The following FER1L5 variants were observed in gnomAD, a reference collection of about 807,000 sequenced individuals.
The protein encoded by FER1L5 is fer-1 like family member 5, also known as fer-1-like protein 5.
In FER1L5, 187 loss-of-function variants were observed where a neutral mutation model predicts 279.9. The ratio of observed to expected loss-of-function variants is 0.67; its 90% CI spans 0.59 to 0.75. FER1L5 has a LOEUF of 0.75. Among genes scored for constraint, FER1L5 ranks in the 30% least tolerant of loss-of-function variants. The probability of loss-of-function intolerance (pLI) is 0.00; values close to 1 mark genes in which losing one functional copy is unlikely to be tolerated. For synonymous variants in FER1L5, 921 were observed against 989.7 expected (o/e 0.93, Z 1.30); for missense variants, 2,091 against 2,594.4 (o/e 0.81, Z 4.21).
intron 17 of FER1L5, among the ~76,000 whole-genome samples, chr2:96,669,395 T>C (rs1170172600): frequency 6.6e-6 from 1 of 151,480 alleles, no homozygotes; most frequent in Non-Finnish European, 1.5e-5. Flanking sequence ...TTTCAGCAGG[T>C]GGGAAGGGCG....
In FER1L5 at chr2:96,687,829, A is replaced by G. The variant is rs1447323225; in HGVS notation, c.2243A>G (p.Glu748Gly). ...QTLFLQYPEG[E>G]GQKDVLPAHL... is the part of the protein sequence containing the mutation. ...CCTCTGGCTCAGTACCCAGAGGGTG[A>G]AGGACAGAAGGATGTGCTCCCAGCT... is the stretch of plus-strand genomic sequence containing the variant. Residue 748 changes from glutamate to glycine, a missense_variant, in exon 24 of 53, where the codon GAA becomes GGA. Physicochemically the swap from Glu to Gly is moderately conservative, Grantham distance 98. Transcript: ENST00000624922. The G allele has an allele frequency of 3.2e-6, 5 of 1,551,020 alleles. No homozygotes were observed. Among genetic ancestry groups the G allele is most frequent in the Non-Finnish European group, 4.4e-6 (5 of 1,146,954 alleles).
rs1450423947 is a variant in FER1L5, at chr2:96,702,506, G to A, written c.5256-94G>A. ...ATGGGACACCTCTCCATCCAGCTCT[G>A]CCTGGCGTCGGCTGGGCAGCCCTTC... On this transcript the variant is annotated intron_variant, in intron 47 of 52. Transcript: ENST00000624922. This position sits in a 1 kb window ranked among gnomAD's most constrained non-coding sequence, Gnocchi z 4.0. 6.5e-7 allele frequency: 1 copy of A among 1,548,496 alleles called. No individual in the cohort carries two copies. The highest frequency in any genetic ancestry group is 1.4e-5 in the African/African-American group (1 of 73,056).
rs1558870888 is a variant in FER1L5, at chr2:96,669,053, CGGCTTCCT to C, written c.1280_1287del (p.Gly427AlafsTer14). ...TCTCTCTCCTTCCAGGAGTGTACTC[CGGCTTCCT>C]GCCCTGCTTTGGCCCCAGCTTCCTG... On this transcript the variant is annotated frameshift_variant, in exon 17 of 53. Transcript: ENST00000624922. LOFTEE classifies it high-confidence loss of function. 1.3e-6 allele frequency: 2 copies of C among 1,551,562 alleles called. No homozygotes were observed. Among genetic ancestry groups the C allele is most frequent in the African/African-American group, 2.7e-5 (2 of 73,050 alleles).
chr2:96,695,893 C>T lies in FER1L5; in HGVS notation c.4046C>T (p.Pro1349Leu). ...CDPWAQDYMH[P>L]KLPTLSEKKH... ...CCCTGGGCTCAAGACTATATGCACC[C>T]AAAGCTTCCAAGTACGGCCCTTCCT... The change falls in exon 36 of 53, where the codon CCA becomes CTA. Residue 1349 changes from proline (P) to leucine (L), a missense_variant. Transcript: ENST00000624922. The T allele has an allele frequency of 6.2e-7, 1 of 1,613,536 alleles. No individual in the cohort carries two copies. Among genetic ancestry groups the T allele is most frequent in the Non-Finnish European group, 8.5e-7 (1 of 1,179,796 alleles).
At chr2:96,647,984 C>A in intron 4 of FER1L5, 98 bp downstream of exon 4, 2 of 865,294 alleles carry the variant, frequency 2.3e-6, no homozygotes, top group Non-Finnish European at 3.7e-6. Context: ...GCTTGGGGGG[C>A]CCCATCACAC....
intron 9 of FER1L5, among the ~76,000 whole-genome samples, chr2:96,656,298 C>G (rs2075596536): frequency 6.6e-6 from 1 of 152,196 alleles, no homozygotes; most frequent in South Asian, 2.1e-4. Context: ...AGTCAATGTT[C>G]AAATTCCCCT....
intron 23 of FER1L5, among the ~76,000 whole-genome samples, chr2:96,687,338 C>T (rs1445720208): frequency 2.0e-5 from 3 of 152,242 alleles, no homozygotes; most frequent in Non-Finnish European, 2.9e-5. Context: ...CAGAGTCCTT[C>T]GCATCCCGCA....
chr2:96,699,295 A>G (rs1358869790), intron 42 of FER1L5, among the ~76,000 whole-genome samples, 159 bp downstream of exon 42: 1 of 152,104 alleles, frequency 6.6e-6, no homozygotes, highest in Non-Finnish European at 1.5e-5. Context: ...GAAGACAAAT[A>G]TATGGGTGGG....
intron 1 of FER1L5, among the ~76,000 whole-genome samples, chr2:96,644,119 C>T (rs1409859987): frequency 9.2e-5 from 13 of 141,994 alleles, no homozygotes; most frequent in Admixed American, 3.0e-4. Context: ...TTGCAGTGAG[C>T]GGAGATCGTA....
At position 96,687,768 on chromosome 2, in the gene FER1L5, G is replaced by A. The variant is rs766156874; in HGVS notation, c.2230-48G>A. 2.1e-5 allele frequency: 32 copies of A among 1,545,696 alleles called. No homozygotes were observed. In the East Asian group the frequency reaches 2.5e-4, roughly 12 times the overall value. ...CCACTTGGGGGGTGGCCGGGGTGGCGTTCAGGGTGTTTAGTGCCCCTGTGG... is the reference window on the plus strand; with the variant it reads ...CCACTTGGGGGGTGGCCGGGGTGGCATTCAGGGTGTTTAGTGCCCCTGTGG... On this transcript the variant is annotated intron_variant, in intron 23 of 52. Coordinates refer to ENST00000624922, the MANE Select transcript of FER1L5 (RefSeq NM_001293083.2).
In FER1L5 at chr2:96,670,218, G is replaced by A. The variant is rs2076272741; in HGVS notation, c.1462G>A (p.Asp488Asn). Residue 488 changes from aspartate (D) to asparagine (N), a missense_variant, in exon 18 of 53, where the codon GAT (aspartate) becomes AAT (asparagine). By Grantham distance (23) the Asp-to-Asn change is conservative (BLOSUM62 1). Transcript: ENST00000624922. The part of the protein sequence containing the change: ...IKSYQDSTIK[D>N]LSHEVTRIEK... Reference sequence around the variant, plus strand: ...GTCCTATCAAGACTCCACGATAAAGGATCTCTCCCATGAAGTGACCAGGAT... The same window carrying A: ...GTCCTATCAAGACTCCACGATAAAGAATCTCTCCCATGAAGTGACCAGGAT... 2.6e-6 allele frequency: 4 copies of A among 1,551,582 alleles called. No homozygotes were observed. Among genetic ancestry groups the A allele is most frequent in the Non-Finnish European group, 3.5e-6 (4 of 1,146,952 alleles).
chr2:96,691,122 C>T lies in FER1L5; in HGVS notation c.2744-68C>T, dbSNP rs745834103. 1.5e-5 allele frequency: 22 copies of T among 1,475,918 alleles called. No individual in the cohort carries two copies. Among genetic ancestry groups the T allele is most frequent in the African/African-American group, 1.1e-4 (8 of 70,944 alleles). The allele number at this position is 1,475,918 out of a possible 1,614,324, so 91.4% of individuals were successfully genotyped here. Reference sequence around the variant, plus strand: ...TAATGCCCCTCTAGGGCCTGTCTCCCGGGTTTGTCCAGGCCTCCCAACCTG... The same window carrying T: ...TAATGCCCCTCTAGGGCCTGTCTCCTGGGTTTGTCCAGGCCTCCCAACCTG... On this transcript the variant is annotated intron_variant, in intron 27 of 52. Transcript: ENST00000624922. This position sits in a 1 kb window ranked among gnomAD's most constrained non-coding sequence, Gnocchi z 6.0.
chr2:96,700,317 C>T lies in FER1L5; in HGVS notation c.4931-15C>T. 6.2e-7 allele frequency: 1 copy of T among 1,611,740 alleles called. No individual in the cohort carries two copies. Among genetic ancestry groups the T allele is most frequent in the South Asian group, 1.1e-5 (1 of 91,072 alleles). ...TGACCTCGCAATCCCCTCCTTCCAT[C>T]CCCCTCCAATCCAGAGCCCAAAACC... On this transcript the variant is annotated splice_polypyrimidine_tract_variant and intron_variant, in intron 44 of 52. Coordinates refer to ENST00000624922, the MANE Select transcript of FER1L5 (RefSeq NM_001293083.2).
In FER1L5 at chr2:96,702,868, G is replaced by C. The variant is rs1036322566; in HGVS notation, c.5398-110G>C. 21 of 1,530,788 alleles carry C rather than the reference G, an allele frequency of 1.4e-5. No individual in the cohort carries two copies. Among genetic ancestry groups the C allele is most frequent in the Admixed American group, 2.0e-5 (1 of 50,816 alleles). The allele number at this position is 1,530,788 out of a possible 1,614,324, so 94.8% of individuals were successfully genotyped here. A position where few individuals can be genotyped will look rare whatever the true frequency, so the allele number is the denominator to read the frequency against. On this transcript the variant is annotated intron_variant, in intron 48 of 52. Coordinates refer to ENST00000624922, the MANE Select transcript of FER1L5 (RefSeq NM_001293083.2). The surrounding 1 kb of genome is among the most constrained non-coding windows in gnomAD (Gnocchi z 4.0). Reference sequence around the variant, plus strand: ...AACATCAGAAACATGTCCTCAGGTGGAAACCCTCTTCCTTGATAGTCTATC... The same window carrying C: ...AACATCAGAAACATGTCCTCAGGTGCAAACCCTCTTCCTTGATAGTCTATC...
Position 96,689,405 on chromosome 2 carries a change from GA to G in FER1L5, c.2525+30del. The G allele has an allele frequency of 6.5e-7, 1 of 1,543,014 alleles. No homozygotes were observed. On this transcript the variant is annotated intron_variant, in intron 25 of 52. Transcript: ENST00000624922. The surrounding 1 kb of genome is among the most constrained non-coding windows in gnomAD (Gnocchi z 4.6). ...AGGCCAGAGGGGGCAGGCCCCACCA[GA>G]GGGGACACTTCACCTGGGAGGGCCA...
chr2:96,696,194 C>A, intron 37 of FER1L5, 117 bp downstream of exon 37: 9 of 1,345,674 alleles, frequency 6.7e-6, no homozygotes, highest in Non-Finnish European at 9.2e-6. Flanking sequence ...GTGAGGCCCA[C>A]CTCGCTCTGT....
Position 96,702,467 on chromosome 2 carries a change from C to T in FER1L5, c.5255+66C>T, listed in dbSNP as rs1331022286. On this transcript the variant is annotated intron_variant, in intron 47 of 52. Coordinates refer to ENST00000624922, the MANE Select transcript of FER1L5 (RefSeq NM_001293083.2). This position sits in a 1 kb window ranked among gnomAD's most constrained non-coding sequence, Gnocchi z 4.0. ...CCCCAGTTCTGTCATCCTGCTGGCA[C>T]GGCCCAGTCCTGAATGGGACACCTC... 56 of 1,560,492 alleles carry T rather than the reference C, an allele frequency of 3.6e-5. No individual in the cohort carries two copies. Among genetic ancestry groups the T allele is most frequent in the Non-Finnish European group, 4.2e-5 (48 of 1,152,820 alleles).
intron 1 of FER1L5, among the ~76,000 whole-genome samples, chr2:96,646,068 A>G (rs1037711039): frequency 4.4e-5 from 6 of 137,774 alleles, no homozygotes; most frequent in Non-Finnish European, 7.6e-5. Context: ...GCGGGATCTC[A>G]GCTCACTGCA....
intron 32 of FER1L5, 75 bp downstream of exon 32, chr2:96,693,762 A>C (rs1558918162): frequency 1.3e-6 from 2 of 1,494,762 alleles, no homozygotes; most frequent in Non-Finnish European, 1.8e-6. Flanking sequence ...TTTTAGATGA[A>C]AATGTATGGA....
Sources: gnomAD v4.1 joint callset for allele counts (sites outside exome capture counted in the v4.1 genomes callset) on GRCh38, gnomAD v4.1.1 for gene constraint, Gnocchi (gnomAD v3.1) non-coding constraint, MANE v1.5 for transcripts, NCBI Gene and HGNC (gene_info 2026-07-23, HGNC 2026-07-21) for gene names.